Variants in EVPL observed in about 807,000 individuals in gnomAD.
The protein encoded by EVPL is envoplakin.
Under a neutral mutation model 129.7 loss-of-function variants are expected in EVPL, and 94 were observed. The observed-to-expected ratio is 0.72, with a 90% CI of 0.61 to 0.86. The LOEUF (loss-of-function observed/expected upper bound fraction) is 0.86, where lower values mean the gene tolerates loss of function less well. Among genes scored for constraint, EVPL ranks in the 40% least tolerant of loss-of-function variants. The probability of loss-of-function intolerance (pLI) is 0.00; values close to 1 mark genes in which losing one functional copy is unlikely to be tolerated. For synonymous variants in EVPL, 1,172 were observed against 1,191.1 expected, an observed-to-expected ratio of 0.98 and a Z score of 0.33; for missense variants, 2,625 against 2,721.1, an observed-to-expected ratio of 0.96 and a Z score of 0.79.
chr17:76,017,140 G>T (rs767404721), intron 14 of EVPL, among the ~76,000 whole-genome samples: 8 of 149,576 alleles, frequency 5.3e-5, no homozygotes, highest in Non-Finnish European at 1.5e-5. Flanking sequence ...TTGAACCTGG[G>T]AGGCAGAAGT....
chr17:76,021,599 C>CT, intron 8 of EVPL, 36 bp from the exon 9 acceptor site: 2 of 1,456,602 alleles, frequency 1.4e-6, no homozygotes, highest in Middle Eastern at 2.4e-4. Context: ...GGACCACGCC[C>CT]CCCCCACGTC....
At chr17:76,019,758 T>TAAACCAGCTAAACAC in intron 9 of EVPL, 105 bp from the exon 10 acceptor site, 1 of 1,372,886 alleles carries the variant, frequency 7.3e-7, no homozygotes, top group Admixed American at 2.9e-5. Context: ...CAGCTAAACC[T>TAAACCAGCTAAACAC]AAACCAGCTA....
chr17:76,021,414 G>C, intron 9 of EVPL, 54 bp downstream of exon 9: 1 of 582,552 alleles, frequency 1.7e-6, no homozygotes, highest in Middle Eastern at 4.3e-4. Context: ...CTGTGCTCCC[G>C]CCCCTGCCGC....
Position 76,008,230 on chromosome 17 carries a change from G to C in EVPL, c.4975C>G (p.Leu1659Val). The C allele has an allele frequency of 1.2e-6, 2 of 1,613,928 alleles. No homozygotes were observed. Among genetic ancestry groups the C allele is most frequent in the South Asian group, 1.1e-5 (1 of 91,082 alleles). ...KDQIYEKERT[L>V]RDLHAKVSRE... ...CTCACCTTGGCGTGGAGGTCCCGGA[G>C]CGTCCGCTCCTTCTCGTAGATCTGG... is the stretch of plus-strand genomic sequence containing the variant. Residue 1659 changes from leucine (L) to valine (V), a missense_variant, in exon 22 of 22, where the codon CTC becomes GTC. Transcript: ENST00000301607. This position sits in a 1 kb window ranked among gnomAD's most constrained non-coding sequence, Gnocchi z 7.4.
intron 18 of EVPL, chr17:76,012,400 T>C: frequency 3.7e-6 from 1 of 270,118 alleles, no homozygotes; most frequent in Non-Finnish European, 7.0e-6. Flanking sequence ...GTTCAAGCGA[T>C]TTTCATGCCT....
In EVPL at chr17:76,006,882, G is replaced by A. The variant is rs1444638342; in HGVS notation, c.*221C>T. 4.7e-6 allele frequency: 2 copies of A among 422,842 alleles called. No individual in the cohort carries two copies. Among genetic ancestry groups the A allele is most frequent in the East Asian group, 7.1e-5 (2 of 28,140 alleles). The allele number at this position is 422,842 out of a possible 1,614,324, so 26.2% of individuals were successfully genotyped here. On this transcript the variant is annotated 3_prime_UTR_variant, in exon 22 of 22. Transcript: ENST00000301607. ...AGAATTCGTTTATTGGGATCACTGG[G>A]TGGAGGTGGAGGAAGAACTGAGTGG...
Position 76,024,354 on chromosome 17 carries a change from C to A in EVPL, c.99-234G>T, listed in dbSNP as rs2066484758. Among the ~76,000 whole-genome samples the A allele has an allele frequency of 1.3e-5, 2 of 151,714 alleles. No homozygotes were observed. ...GTGAGGGTCTCAGGTTTGTGTGGTG[C>A]TGGGGAGGGGGCAGGCGGCCTCGGT... On this transcript the variant is annotated intron_variant, in intron 1 of 21. Coordinates refer to ENST00000301607, the MANE Select transcript of EVPL (RefSeq NM_001988.4). The surrounding 1 kb of genome is among the most constrained non-coding windows in gnomAD (Gnocchi z 4.5).
intron 18 of EVPL, chr17:76,012,414 C>T (rs2066384943): frequency 4.1e-6 from 1 of 245,548 alleles, no homozygotes; most frequent in African/African-American, 2.3e-5. Flanking sequence ...CATGCCTCAG[C>T]TTCCTGAGTA....
chr17:76,015,872 A>G (rs1416007202), intron 14 of EVPL, among the ~76,000 whole-genome samples: 7 of 152,216 alleles, frequency 4.6e-5, no homozygotes, highest in Admixed American at 4.6e-4. Flanking sequence ...GGCCGGGCGC[A>G]GTGGCTCACA....
At position 76,024,900 on chromosome 17, in the gene EVPL, C is replaced by A. The variant is rs1488088979; in HGVS notation, c.99-780G>T. On this transcript the variant is annotated intron_variant, in intron 1 of 21. Transcript: ENST00000301607. This position sits in a 1 kb window ranked among gnomAD's most constrained non-coding sequence, Gnocchi z 4.5. ...TGCGGAGGTCACAAGGTCAAGCAGACCTAAAAGAGGGCAGATTGGTCCAAG... is the reference window on the plus strand; with the variant it reads ...TGCGGAGGTCACAAGGTCAAGCAGAACTAAAAGAGGGCAGATTGGTCCAAG... Among the ~76,000 whole-genome samples the A allele has an allele frequency of 6.6e-6, 1 of 152,206 alleles. No individual in the cohort carries two copies.
At position 76,018,155 on chromosome 17, in the gene EVPL, G is replaced by T; in HGVS notation, c.1537+6C>A. On this transcript the variant is annotated splice_donor_region_variant and intron_variant, in intron 13 of 21. Transcript: ENST00000301607. ...CAGCCACCTCTCCCCGGGCCACCCT[G>T]GGTACCCTGCTGGCTGGGCCGAAGA... The T allele has an allele frequency of 6.4e-7, 1 of 1,550,962 alleles. No individual in the cohort carries two copies. Among genetic ancestry groups the T allele is most frequent in the Non-Finnish European group, 8.7e-7 (1 of 1,146,838 alleles).
At chr17:76,015,725 T>C (rs2066415516) in intron 14 of EVPL, 97 bp from the exon 15 acceptor site, 11 of 1,300,030 alleles carry the variant, frequency 8.5e-6, no homozygotes, top group Middle Eastern at 2.1e-4. Flanking sequence ...GGCAGTAGAG[T>C]GTGGTGGGTA....
chr17:76,009,110 C>T lies in EVPL; in HGVS notation c.4095G>A (p.Lys1365=), dbSNP rs1358952491. The stretch of plus-strand genomic sequence containing the variant: ...CCTGCACCACCACCTTCTCCTCGGG[C>T]TTCCTCCTCTCCAGCAGCAGGCGCT... ...QSKRLLLERR[K]PEEKVVVQEV... is the part of the protein sequence containing the mutation. The change falls in exon 22 of 22, where the codon AAG becomes AAA. Residue 1365 remains lysine (K), a synonymous_variant. Coordinates refer to ENST00000301607, the MANE Select transcript of EVPL (RefSeq NM_001988.4). This position sits in a 1 kb window ranked among gnomAD's most constrained non-coding sequence, Gnocchi z 5.9. 2 of 1,613,116 alleles carry T rather than the reference C, an allele frequency of 1.2e-6. No individual in the cohort carries two copies. The highest frequency in any genetic ancestry group is 1.7e-5 in the Admixed American group (1 of 60,000).
At chr17:76,023,680 G>A in intron 2 of EVPL, 26 bp from the exon 3 acceptor site, 1 of 1,518,932 alleles carries the variant, frequency 6.6e-7, no homozygotes, top group Non-Finnish European at 8.9e-7. Flanking sequence ...GGGCAGACTG[G>A]CCAGGGCCCA....
rs138112388 is a variant in EVPL at position 76,008,149 on chromosome 17, T to C, written c.5056A>G (p.Ile1686Val). 7 of 1,613,960 alleles carry C rather than the reference T, an allele frequency of 4.3e-6. No homozygotes were observed. In the African/African-American group the frequency reaches 9.4e-5, roughly 22 times the overall value. ...CCCGTCTCGGGTTCCAGGATGGAGATCTTGGTGGAAAGGTTGGTCTCTCGC... is the reference window on the plus strand; with the variant it reads ...CCCGTCTCGGGTTCCAGGATGGAGACCTTGGTGGAAAGGTTGGTCTCTCGC... ...QTRETNLSTK[I>V]SILEPETGKD... is the part of the protein sequence containing the mutation. Residue 1686 changes from isoleucine (I) to valine (V), a missense_variant, in exon 22 of 22, where the codon ATC becomes GTC. Coordinates refer to ENST00000301607, the MANE Select transcript of EVPL (RefSeq NM_001988.4). This position sits in a 1 kb window ranked among gnomAD's most constrained non-coding sequence, Gnocchi z 7.4.
chr17:76,009,529 C>A lies in EVPL; in HGVS notation c.3676G>T (p.Gly1226Cys), dbSNP rs200731297. 4 of 1,614,122 alleles carry A rather than the reference C, an allele frequency of 2.5e-6. No individual in the cohort carries two copies. In the Admixed American group the frequency reaches 6.7e-5, roughly 27 times the overall value. Reference sequence around the variant, plus strand: ...AGCTTCTCCACCTCCTTCTCCACACCGCTCCTCTTGCCCGCCATCTCCTGC... The same window carrying A: ...AGCTTCTCCACCTCCTTCTCCACACAGCTCCTCTTGCCCGCCATCTCCTGC... The part of the protein sequence containing the change: ...KLQEMAGKRS[G>C]VEKEVEKLLP... Residue 1226 changes from glycine (G) to cysteine (C), a missense_variant, in exon 22 of 22, where the codon GGT (glycine) becomes TGT (cysteine). Physicochemically the swap from Gly to Cys is radical, Grantham distance 159. Around this residue, in one of 4 missense-constraint regions of EVPL, gnomAD observed 1,453 missense variants for 1,511.8 expected, o/e 0.96. Coordinates refer to ENST00000301607, the MANE Select transcript of EVPL (RefSeq NM_001988.4). This position sits in a 1 kb window ranked among gnomAD's most constrained non-coding sequence, Gnocchi z 5.9.
Position 76,012,062 on chromosome 17 carries a change from C to G in EVPL, c.2401G>C (p.Glu801Gln), listed in dbSNP as rs375387796. The change falls in exon 19 of 22, where the codon GAG becomes CAG. Residue 801 changes from glutamate to glutamine, a missense_variant. By Grantham distance (29) the Glu-to-Gln change is conservative. Transcript: ENST00000301607. ...KRLTQEIQSRERDRATASHLS... is the reference protein window; with the variant it reads ...KRLTQEIQSRQRDRATASHLS... ...TGGGATGCTGTGGCCCTGTCCCGCT[C>G]TCGGCTCTGGATCTCCTGCGTCAGC... 1.9e-5 allele frequency: 30 copies of G among 1,611,702 alleles called. No individual in the cohort carries two copies. The highest frequency in any genetic ancestry group is 6.7e-5 in the East Asian group (3 of 44,854).
chr17:76,027,153 TG>T lies in EVPL; in HGVS notation c.45del (p.Lys16ArgfsTer54), dbSNP rs2066504316. 3.2e-6 allele frequency: 5 copies of T among 1,577,924 alleles called. No individual in the cohort carries two copies. Among genetic ancestry groups the T allele is most frequent in the Non-Finnish European group, 4.3e-6 (5 of 1,166,390 alleles). ...LSKGSQGKGS[P>X]KGSPAKGSPK... ...GGGGACCCCTTGGCGGGGGAGCCCT[TG>T]GGGGACCCCTTCCCCTGGGAGCCTT... On this transcript the variant is annotated frameshift_variant, in exon 1 of 22. Coordinates refer to ENST00000301607, the MANE Select transcript of EVPL (RefSeq NM_001988.4). LOFTEE classifies it high-confidence loss of function.
rs1434049530 is a variant in EVPL at position 76,021,665 on chromosome 17, C to G, written c.915+9G>C. The G allele has an allele frequency of 9.3e-6, 15 of 1,604,422 alleles. No individual in the cohort carries two copies. The highest frequency in any genetic ancestry group is 1.2e-5 in the Non-Finnish European group (14 of 1,177,326). The stretch of plus-strand genomic sequence containing the variant: ...CGTCCCTTCTCACTCTCGCCCTGCC[C>G]CAGCGCACCTGGATGGGCCCCACCG... On this transcript the variant is annotated intron_variant, in intron 8 of 21. Transcript: ENST00000301607.
Sources: allele counts gnomAD v4.1 joint callset (sites outside exome capture counted in the v4.1 genomes callset), GRCh38; gene constraint gnomAD v4.1.1; regional missense constraint gnomAD v4.1.1; non-coding constraint Gnocchi (gnomAD v3.1); transcripts MANE v1.5; gene names NCBI Gene and HGNC (gene_info 2026-07-23, HGNC 2026-07-21).